The following MYO16 variants were observed in gnomAD, a reference collection of about 807,000 sequenced individuals.
MYO16 encodes the protein unconventional myosin-XVI.
In MYO16, 94 loss-of-function variants were observed where a neutral mutation model predicts 205.3. The observed-to-expected ratio is 0.46, with a 90% CI of 0.39 to 0.54. The LOEUF (loss-of-function observed/expected upper bound fraction) is 0.54, where lower values mean the gene tolerates loss of function less well. MYO16 is among the 20% of genes least tolerant of loss of function. The pLI is 0.00. For synonymous variants in MYO16, 988 were observed against 954.0 expected, an observed-to-expected ratio of 1.04 and a Z score of -0.66; for missense variants, 2,315 against 2,387.5, an observed-to-expected ratio of 0.97 and a Z score of 0.63.
chr13:108,574,012 G>C, the MYO16 span, among the ~76,000 whole-genome samples: 17 of 151,920 alleles, frequency 1.1e-4, no homozygotes, highest in Non-Finnish European at 2.4e-4. Flanking sequence ...CAGCACACCT[G>C]GCTAATTTTT....
the MYO16 span, among the ~76,000 whole-genome samples, chr13:108,551,567 T>C: frequency 2.6e-5 from 4 of 152,188 alleles, no homozygotes; most frequent in East Asian, 7.7e-4. Context: ...TATGTATCTC[T>C]AGAATGCCTC....
At chr13:108,724,382 G>A (rs1473807742) in intron 3 of MYO16, among the ~76,000 whole-genome samples, 1 of 152,108 alleles carries the variant, frequency 6.6e-6, no homozygotes, top group Non-Finnish European at 1.5e-5. Flanking sequence ...TCATCTTCCT[G>A]GTTTCAGTGG....
At chr13:109,118,612 T>C (rs1875837734) in intron 28 of MYO16, among the ~76,000 whole-genome samples, 1 of 152,184 alleles carries the variant, frequency 6.6e-6, no homozygotes, top group South Asian at 2.1e-4. Context: ...AATTTTGTCT[T>C]TGGGAGTTAG....
chr13:108,786,850 C>T (rs748004884), intron 5 of MYO16, among the ~76,000 whole-genome samples: 10 of 152,224 alleles, frequency 6.6e-5, no homozygotes, highest in Non-Finnish European at 1.5e-4. Context: ...CACTCTGCAG[C>T]TCAGTCGTGC....
intron 28 of MYO16, among the ~76,000 whole-genome samples, chr13:109,103,947 G>GT (rs1398846809): frequency 6.6e-5 from 10 of 152,228 alleles, no homozygotes; most frequent in Non-Finnish European, 1.2e-4. Flanking sequence ...ACTATTCATA[G>GT]TTTTTATTTT....
intron 27 of MYO16, among the ~76,000 whole-genome samples, chr13:109,071,850 G>T (rs1471589417): frequency 6.6e-6 from 1 of 152,100 alleles, no homozygotes; most frequent in Non-Finnish European, 1.5e-5. Flanking sequence ...AGATACATTT[G>T]AGGCAAGTAT....
At chr13:108,566,754 GAA>G in the MYO16 span, among the ~76,000 whole-genome samples, 1 of 137,260 alleles carries the variant, frequency 7.3e-6, no homozygotes, top group Non-Finnish European at 1.5e-5. Context: ...AGGAAGGAAG[GAA>G]GGAAGGAAGG....
intron 1 of MYO16, among the ~76,000 whole-genome samples, chr13:108,634,435 A>T (rs1281790503): frequency 6.6e-6 from 1 of 152,152 alleles, no homozygotes; most frequent in Non-Finnish European, 1.5e-5. Context: ...AGCTTCCAAC[A>T]GAGTGAATAT....
chr13:109,024,055 C>A (rs1641629563), intron 23 of MYO16, among the ~76,000 whole-genome samples: 1 of 141,908 alleles, frequency 7.0e-6, no homozygotes, highest in Non-Finnish European at 1.5e-5. Flanking sequence ...TATATAAATT[C>A]TCATATATTT....
At chr13:108,811,456 C>A (rs1258496724) in intron 7 of MYO16, among the ~76,000 whole-genome samples, 1 of 151,694 alleles carries the variant, frequency 6.6e-6, no homozygotes, top group East Asian at 1.9e-4. Flanking sequence ...CATGGCTACC[C>A]AAGCCTCCTC....
intron 16 of MYO16, among the ~76,000 whole-genome samples, chr13:108,929,876 C>G (rs1387397233): frequency 6.6e-6 from 1 of 152,050 alleles, no homozygotes; most frequent in Non-Finnish European, 1.5e-5. Flanking sequence ...ACCATCATAA[C>G]TAGGGAAATG....
chr13:108,950,486 A>T (rs1883101790), intron 16 of MYO16, among the ~76,000 whole-genome samples: 1 of 152,196 alleles, frequency 6.6e-6, no homozygotes, highest in South Asian at 2.1e-4. Context: ...TAAAACCCTG[A>T]TAAGATACCA....
intron 28 of MYO16, among the ~76,000 whole-genome samples, chr13:109,108,476 C>T (rs955879077): frequency 2.6e-5 from 4 of 152,226 alleles, no homozygotes; most frequent in African/African-American, 9.6e-5. Flanking sequence ...TAGGCCTATG[C>T]CTAATCCAAC....
intron 10 of MYO16, among the ~76,000 whole-genome samples, chr13:108,851,050 C>T (rs888943405): frequency 5.9e-5 from 9 of 152,118 alleles, no homozygotes; most frequent in Admixed American, 1.3e-4. Context: ...TTGTTAGCAT[C>T]GTGACTGTAA....
At chr13:108,851,530 C>G (rs1390988528) in intron 10 of MYO16, among the ~76,000 whole-genome samples, 1 of 152,150 alleles carries the variant, frequency 6.6e-6, no homozygotes, top group Non-Finnish European at 1.5e-5. Flanking sequence ...TATCCAAAGG[C>G]AAGCATTCCA....
intron 27 of MYO16, among the ~76,000 whole-genome samples, chr13:109,086,194 C>A (rs1888431002): frequency 6.6e-6 from 1 of 152,294 alleles, no homozygotes; most frequent in African/African-American, 2.4e-5. Context: ...TTCTCACAAG[C>A]AATCGAAGGT....
chr13:108,829,511 T>G (rs76387385), intron 9 of MYO16, among the ~76,000 whole-genome samples: 93,289 of 151,604 alleles, frequency 0.62, 29,539 homozygotes, highest in Middle Eastern at 0.72. Flanking sequence ...TCTAATATCA[T>G]AAAAAACCAG....
chr13:108,771,065 T>C (rs1187406323), intron 4 of MYO16, among the ~76,000 whole-genome samples: 1 of 152,164 alleles, frequency 6.6e-6, no homozygotes, highest in East Asian at 1.9e-4. Flanking sequence ...TTTTCTGATC[T>C]AAAGTGTATA....
the MYO16 span, among the ~76,000 whole-genome samples, chr13:108,528,454 G>A: frequency 2.6e-5 from 4 of 151,870 alleles, no homozygotes; most frequent in Non-Finnish European, 5.9e-5. Context: ...AGTTAATATA[G>A]CATGATTTAA....
Sources: allele counts gnomAD v4.1 joint callset (sites outside exome capture counted in the v4.1 genomes callset), GRCh38; gene constraint gnomAD v4.1.1; transcripts MANE v1.5; gene names NCBI Gene and HGNC (gene_info 2026-07-23, HGNC 2026-07-21).